ZFR2: variants seen among roughly 807,000 people sequenced by gnomAD.
The protein encoded by ZFR2 is zinc finger RNA-binding protein 2.
Under a neutral mutation model 105.7 loss-of-function variants are expected in ZFR2, and 104 were observed. The ratio of observed to expected loss-of-function variants is 0.98; its 90% CI spans 0.84 to 1.16. The LOEUF (loss-of-function observed/expected upper bound fraction) is 1.16. Ranked by LOEUF, ZFR2 falls within the 50% of genes most tolerant of loss-of-function variation. ZFR2 has a pLI of 0.00. For missense variants in ZFR2, 1,425 were observed against 1,355.5 expected (o/e 1.05, Z -0.80); for synonymous variants, 634 against 597.7 (o/e 1.06, Z -0.89).
intron 1 of ZFR2, among the ~76,000 whole-genome samples, chr19:3,847,886 C>T (rs1476414597): frequency 1.3e-5 from 2 of 152,186 alleles, no homozygotes; most frequent in Non-Finnish European, 2.9e-5. Flanking sequence ...GCCGGGACCA[C>T]CCTCTCCTGA....
chr19:3,850,723 AAACAAC>A (rs59895843), intron 1 of ZFR2, among the ~76,000 whole-genome samples: 97 of 148,200 alleles, frequency 6.5e-4, no homozygotes, highest in African/African-American at 1.1e-3. Context: ...CTCTACAGAA[AAACAAC>A]AACAACAACA....
intron 1 of ZFR2, among the ~76,000 whole-genome samples, chr19:3,840,977 C>T (rs2038127583): frequency 6.6e-6 from 1 of 152,204 alleles, no homozygotes; most frequent in African/African-American, 2.4e-5. Flanking sequence ...CTGCACAGAT[C>T]ACACACATAC....
chr19:3,867,829 T>C (rs1480556910), intron 1 of ZFR2, among the ~76,000 whole-genome samples: 1 of 151,736 alleles, frequency 6.6e-6, no homozygotes, highest in Non-Finnish European at 1.5e-5. Context: ...CCCAGGTCTC[T>C]GTCTTCTCTC....
chr19:3,820,275 C>T lies in ZFR2; in HGVS notation c.1647G>A (p.Glu549=). Residue 549 remains glutamate (E), a synonymous_variant, in exon 11 of 19, where the codon GAG becomes GAA. Coordinates refer to ENST00000262961, the MANE Select transcript of ZFR2 (RefSeq NM_015174.2). ...CGTGGGGCGGCACGTCCTGGGGTGG[C>T]TCCTCCTCCAGCCGCCTGCAGGACC... ...WHAERRRLEE[E]PPQDVPPHAP... 1 of 1,545,656 alleles carries T rather than the reference C, an allele frequency of 6.5e-7. No homozygotes were observed. The highest frequency in any genetic ancestry group is 8.7e-7 in the Non-Finnish European group (1 of 1,146,094).
intron 1 of ZFR2, among the ~76,000 whole-genome samples, chr19:3,836,504 T>C (rs955905829): frequency 1.3e-5 from 2 of 152,290 alleles, no homozygotes; most frequent in South Asian, 2.1e-4. Flanking sequence ...AAAATTTTGG[T>C]AGAGGTGGGG....
chr19:3,856,023 G>C (rs986613710), intron 1 of ZFR2, among the ~76,000 whole-genome samples: 1 of 152,224 alleles, frequency 6.6e-6, no homozygotes, highest in Non-Finnish European at 1.5e-5. Context: ...TGCGCGGATG[G>C]AAATGGGGGC....
chr19:3,848,401 A>T (rs2038204166), intron 1 of ZFR2, among the ~76,000 whole-genome samples: 1 of 151,364 alleles, frequency 6.6e-6, no homozygotes. Flanking sequence ...AATAAGAGCG[A>T]AACTCCATCT....
chr19:3,859,715 G>A (rs2038351128), intron 1 of ZFR2, among the ~76,000 whole-genome samples: 1 of 152,224 alleles, frequency 6.6e-6, no homozygotes, highest in African/African-American at 2.4e-5. Flanking sequence ...ATCAGGGAGA[G>A]AGTTTTCAAG....
intron 6 of ZFR2, 54 bp downstream of exon 6, chr19:3,827,417 G>T: frequency 6.9e-7 from 1 of 1,459,376 alleles, no homozygotes; most frequent in South Asian, 1.4e-5. Flanking sequence ...CCCAAGTGCT[G>T]ACCTGGGGGC....
At position 3,823,400 on chromosome 19, in the gene ZFR2, G is replaced by A; in HGVS notation, c.1217C>T (p.Pro406Leu). Residue 406 changes from proline to leucine, a missense_variant, in exon 8 of 19, where the codon CCT (proline) becomes CTT (leucine). Coordinates refer to ENST00000262961, the MANE Select transcript of ZFR2 (RefSeq NM_015174.2). This position sits in a 1 kb window ranked among gnomAD's most constrained non-coding sequence, Gnocchi z 5.4. ...PVASKALCEG[P>L]PEPQAAGCRP... ...GCAGCCTGCTGCCTGTGGCTCAGGA[G>A]GCCCTGAGGGGAAAAACCATGTCAC... The A allele has an allele frequency of 6.2e-7, 1 of 1,603,462 alleles. No individual in the cohort carries two copies. The highest frequency in any genetic ancestry group is 8.5e-7 in the Non-Finnish European group (1 of 1,175,172).
At chr19:3,863,056 G>A (rs1293175991) in intron 1 of ZFR2, among the ~76,000 whole-genome samples, 1 of 152,238 alleles carries the variant, frequency 6.6e-6, no homozygotes, top group Non-Finnish European at 1.5e-5. Context: ...ACTCTCCAGG[G>A]CAGCCTGTGT....
chr19:3,819,016 G>T (rs762604522), intron 12 of ZFR2, 29 bp downstream of exon 12: 1 of 1,604,486 alleles, frequency 6.2e-7, no homozygotes. Context: ...GCTGAGAGCC[G>T]GGCCCTGGGG....
rs2038096026 is a variant in ZFR2 at position 3,838,050 on chromosome 19, CAT to C, written c.54-3069_54-3068del. Among the ~76,000 whole-genome samples the C allele has an allele frequency of 6.6e-6, 1 of 151,300 alleles. No individual in the cohort carries two copies. Among genetic ancestry groups the C allele is most frequent in the Admixed American group, 6.6e-5 (1 of 15,208 alleles). ...CGTGACTGTGACACACGATGAACAC[CAT>C]GACCGTGACACGTGATGAACACCAT... On this transcript the variant is annotated intron_variant, in intron 1 of 18. Transcript: ENST00000262961. This position sits in a 1 kb window ranked among gnomAD's most constrained non-coding sequence, Gnocchi z 4.9.
intron 18 of ZFR2, among the ~76,000 whole-genome samples, chr19:3,806,440 T>C (rs1303361749): frequency 6.6e-6 from 1 of 152,222 alleles, no homozygotes; most frequent in Non-Finnish European, 1.5e-5. Flanking sequence ...TTTTGTATTT[T>C]TAGTAGAGAC....
rs370084447 is a variant in ZFR2, at chr19:3,831,714, T to G, written c.544A>C (p.Ile182Leu). 6.3e-7 allele frequency: 1 copy of G among 1,595,850 alleles called. No homozygotes were observed. Among genetic ancestry groups the G allele is most frequent in the East Asian group, 2.2e-5 (1 of 44,476 alleles). ...GAGGGCGGGGGGTAGGAGGTCACGA[T>G]GGAAGCTGACGACTCGGGCTGGACG... ...TGVQPESSAS[I>L]VTSYPPPSYN... Residue 182 changes from isoleucine (I) to leucine (L), a missense_variant, in exon 4 of 19, where the codon ATC becomes CTC. Coordinates refer to ENST00000262961, the MANE Select transcript of ZFR2 (RefSeq NM_015174.2).
In ZFR2 at chr19:3,831,586, G is replaced by A. The variant is rs959701600; in HGVS notation, c.599-30C>T. The A allele has an allele frequency of 9.7e-6, 15 of 1,541,138 alleles. No individual in the cohort carries two copies. In the African/African-American group the frequency reaches 1.6e-4, roughly 17 times the overall value. On this transcript the variant is annotated intron_variant, in intron 4 of 18. Transcript: ENST00000262961. ...GCAGCAGAGAAAACAATGAGTCGGG[G>A]GGAGATGCTGATTCCACTGAGTTGA...
In ZFR2 at chr19:3,820,241, C is replaced by T. The variant is rs754640341; in HGVS notation, c.1681G>A (p.Asp561Asn). 1.7e-5 allele frequency: 26 copies of T among 1,549,456 alleles called. No homozygotes were observed. Among genetic ancestry groups the T allele is most frequent in the East Asian group, 4.9e-5 (2 of 40,936 alleles). ...CCCATGAGCAGAGGCTGGGCCCAGT[C>T]GGGCGGCGCGTGGGGCGGCACGTCC... ...PQDVPPHAPP[D>N]WAQPLLMGRP... Residue 561 changes from aspartate to asparagine, a missense_variant, in exon 11 of 19, where the codon GAC (aspartate) becomes AAC (asparagine). Transcript: ENST00000262961.
intron 11 of ZFR2, 65 bp from the exon 12 acceptor site, chr19:3,819,300 C>CGTGCAGGT: frequency 7.1e-7 from 1 of 1,401,334 alleles, no homozygotes. Flanking sequence ...GCTGGGCAGG[C>CGTGCAGGT]GGGCAGGTGG....
chr19:3,830,878 C>T (rs1403640294), intron 5 of ZFR2, among the ~76,000 whole-genome samples: 1 of 152,086 alleles, frequency 6.6e-6, no homozygotes, highest in African/African-American at 2.4e-5. Context: ...CAAGCACTGC[C>T]AAGCACAAGC....
Sources: gnomAD v4.1 joint callset for allele counts (sites outside exome capture counted in the v4.1 genomes callset) on GRCh38, gnomAD v4.1.1 for gene constraint, Gnocchi (gnomAD v3.1) non-coding constraint, MANE v1.5 for transcripts, NCBI Gene and HGNC (gene_info 2026-07-23, HGNC 2026-07-21) for gene names.